SLIT3: variants seen among roughly 807,000 people sequenced by gnomAD.
SLIT3 encodes slit guidance ligand 3, also known as slit homolog 3 protein.
SLIT3 carries 68 observed loss-of-function variants against 184.0 expected under a neutral mutation model. That is an observed-to-expected ratio of 0.37 (90% CI 0.30 to 0.45). The LOEUF is 0.45. Among genes scored for constraint, SLIT3 ranks in the 20% least tolerant of loss-of-function variants. The pLI is 1.00. For missense variants in SLIT3, 1,707 were observed against 2,026.0 expected (o/e 0.84, Z 3.02); for synonymous variants, 831 against 828.6 (o/e 1.00, Z -0.05).
intron 4 of SLIT3, among the ~76,000 whole-genome samples, chr5:169,043,178 C>T (rs568689456): frequency 2.8e-4 from 43 of 152,184 alleles, no homozygotes; most frequent in African/African-American, 9.9e-4. Context: ...AAATGACTTG[C>T]CCGAGGTCAT....
At chr5:169,245,365 A>G (rs1765553790) in intron 2 of SLIT3, among the ~76,000 whole-genome samples, 1 of 152,180 alleles carries the variant, frequency 6.6e-6, no homozygotes, top group East Asian at 1.9e-4. Flanking sequence ...TCCTCCAAGC[A>G]GGTGATTACA....
intron 29 of SLIT3, among the ~76,000 whole-genome samples, chr5:168,688,199 G>T (rs2113236293): frequency 6.6e-6 from 1 of 152,344 alleles, no homozygotes; most frequent in South Asian, 2.1e-4. Context: ...TCTGCCTTCT[G>T]CAAAGCCTGT....
At position 168,692,677 on chromosome 5, in the gene SLIT3, C is replaced by T; in HGVS notation, c.3106G>A (p.Asp1036Asn). Reference protein sequence around the residue: ...YTGELCDEVIDHCVPELNLCQ... With the variant: ...YTGELCDEVINHCVPELNLCQ... ...AGGTTCAGCTCAGGCACACAGTGGT[C>T]AATCACCTCGTCGCATAGCTCACCT... The change falls in exon 29 of 36, where the codon GAC becomes AAC. Residue 1036 changes from aspartate (D) to asparagine (N), a missense_variant. Asp to Asn is a conservative substitution (Grantham distance 23, BLOSUM62 1). Around this residue, in one of 3 missense-constraint regions of SLIT3, gnomAD observed 1,307 missense variants for 1,511.6 expected, o/e 0.86. Transcript: ENST00000519560. 6.2e-7 allele frequency: 1 copy of T among 1,613,996 alleles called. No homozygotes were observed. The highest frequency in any genetic ancestry group is 8.5e-7 in the Non-Finnish European group (1 of 1,179,928).
chr5:169,122,533 C>T (rs1181518116), intron 4 of SLIT3, among the ~76,000 whole-genome samples: 1 of 152,174 alleles, frequency 6.6e-6, no homozygotes, highest in Non-Finnish European at 1.5e-5. Flanking sequence ...TTCTGGCTTA[C>T]AGGCAGTTCT....
At chr5:168,778,409 G>A (rs1755838344) in intron 12 of SLIT3, among the ~76,000 whole-genome samples, 1 of 152,160 alleles carries the variant, frequency 6.6e-6, no homozygotes, top group African/African-American at 2.4e-5. Context: ...GTGAGGAGTG[G>A]CTATTTTTGC....
At chr5:169,095,970 G>A (rs998246065) in intron 4 of SLIT3, among the ~76,000 whole-genome samples, 1 of 152,208 alleles carries the variant, frequency 6.6e-6, no homozygotes, top group African/African-American at 2.4e-5. Flanking sequence ...TAGGGCTCAA[G>A]TCTCTATTGA....
In SLIT3 at chr5:168,786,096, C is replaced by T. The variant is rs1435208781; in HGVS notation, c.1080-118G>A. The T allele has an allele frequency of 4.4e-6, 3 of 686,488 alleles. No individual in the cohort carries two copies. In the African/African-American group the frequency reaches 5.3e-5, roughly 12 times the overall value. 42.5% of individuals were successfully genotyped at this position (686,488 alleles called of 1,614,324 possible). On this transcript the variant is annotated intron_variant, in intron 11 of 35. Coordinates refer to ENST00000519560, the MANE Select transcript of SLIT3 (RefSeq NM_003062.4). ...GTATGAGATCTCAGGACAACCCCTT[C>T]CACGGCCTGCCTAATCCCTTCTCAT...
chr5:168,835,029 C>T (rs942134894), intron 6 of SLIT3, among the ~76,000 whole-genome samples: 2 of 152,128 alleles, frequency 1.3e-5, no homozygotes, highest in Admixed American at 6.5e-5. Flanking sequence ...GTGTAAGATG[C>T]ACTTCAAGTG....
At chr5:168,948,055 G>C (rs773413825) in intron 4 of SLIT3, among the ~76,000 whole-genome samples, 1 of 152,130 alleles carries the variant, frequency 6.6e-6, no homozygotes, top group Non-Finnish European at 1.5e-5. Flanking sequence ...GCCTCCCAAA[G>C]TGCTGGGATT....
chr5:169,239,617 A>G (rs529617346), intron 3 of SLIT3, among the ~76,000 whole-genome samples: 1 of 152,090 alleles, frequency 6.6e-6, no homozygotes, highest in South Asian at 2.1e-4. Flanking sequence ...TATAATATCC[A>G]TACTAATATC....
intron 4 of SLIT3, among the ~76,000 whole-genome samples, chr5:168,952,833 G>A (rs1404725400): frequency 6.6e-6 from 1 of 152,212 alleles, no homozygotes; most frequent in Non-Finnish European, 1.5e-5. Context: ...CAGCAATGAG[G>A]TTTCGCAGTC....
At chr5:169,263,451 C>A in intron 1 of SLIT3, 1 of 362,894 alleles carries the variant, frequency 2.8e-6, no homozygotes, top group South Asian at 2.1e-5. Flanking sequence ...GGGCTGCTGG[C>A]AAGCCCAGGA....
intron 1 of SLIT3, among the ~76,000 whole-genome samples, chr5:169,291,063 T>C (rs951349850): frequency 8.5e-5 from 13 of 152,142 alleles, no homozygotes; most frequent in African/African-American, 2.7e-4. Context: ...AGGAACCAGA[T>C]TGGCAGTTAG....
intron 20 of SLIT3, among the ~76,000 whole-genome samples, chr5:168,733,687 T>C (rs1240083180): frequency 6.6e-6 from 1 of 151,714 alleles, no homozygotes; most frequent in Non-Finnish European, 1.5e-5. Context: ...ATCTAGGGCT[T>C]AAAACCTAGA....
intron 5 of SLIT3, among the ~76,000 whole-genome samples, chr5:168,881,886 T>C (rs992902256): frequency 2.6e-5 from 4 of 152,204 alleles, no homozygotes; most frequent in Non-Finnish European, 5.9e-5. Context: ...GTGTGGCTGC[T>C]CCACCCCGCC....
intron 4 of SLIT3, among the ~76,000 whole-genome samples, chr5:169,064,673 A>G (rs904667346): frequency 1.2e-4 from 19 of 152,318 alleles, no homozygotes; most frequent in Admixed American, 7.8e-4. Context: ...TTGTGACTGC[A>G]GCTACAAGAA....
At chr5:168,841,625 A>T (rs1189230154) in intron 6 of SLIT3, among the ~76,000 whole-genome samples, 1 of 152,188 alleles carries the variant, frequency 6.6e-6, no homozygotes, top group Non-Finnish European at 1.5e-5. Flanking sequence ...GTTCCCTCTC[A>T]GGCTCACCTC....
chr5:168,913,197 AAGGGTTAGGGTC>A (rs1173397266), intron 4 of SLIT3, among the ~76,000 whole-genome samples: 3 of 151,330 alleles, frequency 2.0e-5, no homozygotes, highest in African/African-American at 7.3e-5. Context: ...TCCAATGGCA[AAGGGTTAGGGTC>A]AGGGTTAGGG....
chr5:168,901,710 CCTGA>C (rs1760880628), intron 4 of SLIT3, among the ~76,000 whole-genome samples: 1 of 152,154 alleles, frequency 6.6e-6, no homozygotes, highest in African/African-American at 2.4e-5. Flanking sequence ...GAACACAGGT[CCTGA>C]CTGTGTGGAA....
Sources: allele counts gnomAD v4.1 joint callset (sites outside exome capture counted in the v4.1 genomes callset), GRCh38; gene constraint gnomAD v4.1.1; regional missense constraint gnomAD v4.1.1; transcripts MANE v1.5; gene names NCBI Gene and HGNC (gene_info 2026-07-23, HGNC 2026-07-21).